Variants in ZFHX3 observed in about 807,000 individuals in gnomAD.
ZFHX3 encodes zinc finger homeobox 3.
Under a neutral mutation model 279.1 loss-of-function variants are expected in ZFHX3, and 42 were observed. The ratio of observed to expected loss-of-function variants is 0.15; its 90% CI spans 0.12 to 0.19. The LOEUF (loss-of-function observed/expected upper bound fraction) is 0.19, where lower values mean the gene tolerates loss of function less well. Among genes scored for constraint, ZFHX3 ranks in the 10% least tolerant of loss-of-function variants. The pLI is 1.00. For synonymous variants in ZFHX3, 2,293 were observed against 1,957.8 expected (o/e 1.17, Z -4.52); for missense variants, 4,981 against 4,754.0 (o/e 1.05, Z -1.40).
Position 73,839,438 on chromosome 16 carries a change from A to G in ZFHX3, c.-1608+52213T>C, listed in dbSNP as rs1234896790. ...TGGTATACCTTTTCAGAACTTTTCA[A>G]AAGGGAATATGAGCATATGAAGAGC... On this transcript the variant is annotated intron_variant, in intron 1 of 17. Transcript: ENST00000641206. Among the ~76,000 whole-genome samples the G allele has an allele frequency of 4.0e-5, 6 of 151,656 alleles. No individual in the cohort carries two copies. The East Asian group carries it at 1.2e-3, about 29-fold the overall frequency.
chr16:72,880,512 G>T (rs959671205), intron 4 of ZFHX3, among the ~76,000 whole-genome samples: 1 of 152,170 alleles, frequency 6.6e-6, no homozygotes, highest in South Asian at 2.1e-4. Flanking sequence ...CAAAACTGCC[G>T]GCACCTGGAT....
chr16:73,705,055 C>A lies in ZFHX3; in HGVS notation c.-1607-24815G>T, dbSNP rs571732924. ...GAGTTGGGAAGAGAAGTGTAAACAC[C>A]ATTCAATAGTATTTCCGACTCACAA... is the stretch of plus-strand genomic sequence containing the variant. On this transcript the variant is annotated intron_variant, in intron 1 of 17. Transcript: ENST00000641206. Among the ~76,000 whole-genome samples, 4 of 152,186 alleles carry A rather than the reference C, an allele frequency of 2.6e-5. No homozygotes were observed. In the South Asian group the frequency reaches 8.3e-4, roughly 32 times the overall value.
At chr16:73,149,897 C>T (rs144936927) in intron 5 of ZFHX3, among the ~76,000 whole-genome samples, 97 of 152,202 alleles carry the variant, frequency 6.4e-4, no homozygotes, top group Middle Eastern at 3.4e-3. Flanking sequence ...GTAGTCAGAC[C>T]GCTTTGGAGG....
chr16:73,192,538 G>A (rs931906394), intron 5 of ZFHX3, among the ~76,000 whole-genome samples: 8 of 152,166 alleles, frequency 5.3e-5, no homozygotes, highest in African/African-American at 1.7e-4. Flanking sequence ...TGGAGTCTTT[G>A]TTTCTAATGC....
At chr16:73,019,901 G>A (rs1211044430) in intron 1 of ZFHX3, among the ~76,000 whole-genome samples, 1 of 152,160 alleles carries the variant, frequency 6.6e-6, no homozygotes, top group East Asian at 1.9e-4. Flanking sequence ...TCCTGGCTGG[G>A]CATAAACACG....
intron 2 of ZFHX3, among the ~76,000 whole-genome samples, chr16:73,538,998 G>A (rs373476565): frequency 3.3e-5 from 5 of 152,170 alleles, no homozygotes; most frequent in Non-Finnish European, 2.9e-5. Flanking sequence ...AGGTACGTGC[G>A]ATGTGTCCCC....
intron 3 of ZFHX3, among the ~76,000 whole-genome samples, chr16:73,448,634 T>A (rs974977757): frequency 5.0e-4 from 76 of 151,396 alleles, no homozygotes; most frequent in Non-Finnish European, 5.9e-5. Context: ...AAAAATCATA[T>A]ATAAGAGAAA....
chr16:72,887,211 G>A (rs753905399), intron 4 of ZFHX3, among the ~76,000 whole-genome samples: 3 of 152,150 alleles, frequency 2.0e-5, no homozygotes, highest in Admixed American at 1.3e-4. Context: ...GGGCTTTGGA[G>A]GGGCTTAGGA....
In ZFHX3 at chr16:73,076,277, G is replaced by A. The variant is rs76777023; in HGVS notation, c.-533+16958C>T. The stretch of plus-strand genomic sequence containing the variant: ...GATTGTAAAAGTATTGCATGAACTA[G>A]AGGAACTGAAACAAATCTAAGATGT... On this transcript the variant is annotated intron_variant, in intron 8 of 17. Coordinates refer to the ZFHX3 transcript ENST00000641206. Among the ~76,000 whole-genome samples, 1,108 of 152,336 alleles carry A rather than the reference G, an allele frequency of 7.3e-3. 19 individuals are homozygous for A. The highest frequency in any genetic ancestry group is 0.026 in the African/African-American group (1,071 of 41,580).
intron 2 of ZFHX3, 38 bp downstream of exon 2, chr16:72,957,389 C>A: frequency 6.4e-7 from 1 of 1,558,244 alleles, no homozygotes; most frequent in South Asian, 1.2e-5. Context: ...TGGTTAAACT[C>A]CTATCATGAA....
intron 1 of ZFHX3, among the ~76,000 whole-genome samples, chr16:73,745,622 C>T (rs1453798070): frequency 2.0e-5 from 3 of 152,206 alleles, no homozygotes; most frequent in African/African-American, 7.2e-5. Flanking sequence ...TAGCCTTCCA[C>T]CTGTCATTTT....
chr16:73,436,994 C>T (rs1363101484), intron 3 of ZFHX3, among the ~76,000 whole-genome samples: 21 of 152,150 alleles, frequency 1.4e-4, no homozygotes, highest in Admixed American at 1.4e-3. Context: ...GAAGCTTCTT[C>T]AGTTGTTTGG....
chr16:72,997,827 C>A (rs548812158), intron 1 of ZFHX3, among the ~76,000 whole-genome samples: 2 of 152,182 alleles, frequency 1.3e-5, no homozygotes, highest in Admixed American at 6.5e-5. Context: ...CAGCTGCAAT[C>A]CTGACACTTT....
At chr16:73,714,886 G>A (rs761779077) in intron 1 of ZFHX3, among the ~76,000 whole-genome samples, 35 of 152,120 alleles carry the variant, frequency 2.3e-4, no homozygotes, top group Admixed American at 1.2e-3. Flanking sequence ...TCCTGCTCCC[G>A]CTCATTTAAA....
chr16:72,979,476 G>A (rs1366668424), intron 1 of ZFHX3, among the ~76,000 whole-genome samples: 1 of 152,144 alleles, frequency 6.6e-6, no homozygotes, highest in Non-Finnish European at 1.5e-5. Flanking sequence ...GGCACAGTCC[G>A]AAATTAACAC....
At chr16:73,753,740 A>C (rs2053781187) in intron 1 of ZFHX3, among the ~76,000 whole-genome samples, 1 of 152,184 alleles carries the variant, frequency 6.6e-6, no homozygotes, top group Non-Finnish European at 1.5e-5. Context: ...CCTGTCCTGC[A>C]TCAAGTTCAA....
At chr16:73,651,610 GCA>G in intron 2 of ZFHX3, among the ~76,000 whole-genome samples, 1 of 150,350 alleles carries the variant, frequency 6.7e-6, no homozygotes, top group Admixed American at 6.7e-5. Flanking sequence ...GCCGAGGTGG[GCA>G]GATCACGAGG....
chr16:72,788,932 C>T, intron 9 of ZFHX3, 84 bp from the exon 10 acceptor site: 2 of 1,490,300 alleles, frequency 1.3e-6, no homozygotes, highest in East Asian at 2.3e-5. Context: ...GTGTCACTGG[C>T]ACACAGTTTG....
At chr16:72,979,743 G>T (rs1346629212) in intron 1 of ZFHX3, among the ~76,000 whole-genome samples, 3 of 152,018 alleles carry the variant, frequency 2.0e-5, no homozygotes, top group African/African-American at 7.3e-5. Flanking sequence ...ATAAATTGAG[G>T]CCCGGGCAAA....
Sources: allele counts gnomAD v4.1 joint callset (sites outside exome capture counted in the v4.1 genomes callset), GRCh38; gene constraint gnomAD v4.1.1; transcripts MANE v1.5; gene names NCBI Gene and HGNC (gene_info 2026-07-23, HGNC 2026-07-21).